RCAN2: variants seen among roughly 807,000 people sequenced by gnomAD.
RCAN2 encodes calcipressin-2.
A neutral mutation model predicts 23.6 loss-of-function variants in RCAN2; 9 were observed. The ratio of observed to expected loss-of-function variants is 0.38; its 90% CI spans 0.23 to 0.67. The LOEUF is 0.67. Ranked by LOEUF, RCAN2 falls within the 30% of genes least tolerant of loss-of-function variation. The pLI is 0.51. For missense variants in RCAN2, 273 were observed against 302.3 expected (o/e 0.90, Z 0.72); for synonymous variants, 109 against 115.7 (o/e 0.94, Z 0.37).
intron 2 of RCAN2, among the ~76,000 whole-genome samples, chr6:46,395,713 C>G (rs1766069641): frequency 6.6e-6 from 1 of 152,232 alleles, no homozygotes; most frequent in African/African-American, 2.4e-5. Flanking sequence ...TATCCCTTCT[C>G]TACTCCACAG....
chr6:46,444,528 C>G (rs1767644564), intron 2 of RCAN2, among the ~76,000 whole-genome samples: 1 of 152,184 alleles, frequency 6.6e-6, no homozygotes, highest in African/African-American at 2.4e-5. Context: ...CACCTATGGC[C>G]CCAGGCCCCA....
intron 4 of RCAN2, among the ~76,000 whole-genome samples, chr6:46,230,485 C>G (rs537914800): frequency 2.6e-5 from 4 of 152,298 alleles, no homozygotes; most frequent in Non-Finnish European, 5.9e-5. Flanking sequence ...GTGGATGCCC[C>G]TCCTCACAGC....
intron 2 of RCAN2, among the ~76,000 whole-genome samples, chr6:46,292,543 A>G (rs1351814677): frequency 2.6e-5 from 4 of 151,608 alleles, no homozygotes; most frequent in African/African-American, 7.3e-5. Flanking sequence ...TTGAACCTCA[A>G]ATGATCTGCT....
chr6:46,394,713 G>A (rs1343904140), intron 2 of RCAN2, among the ~76,000 whole-genome samples: 3 of 152,132 alleles, frequency 2.0e-5, no homozygotes, highest in African/African-American at 7.2e-5. Context: ...GGGGAGGGAG[G>A]ACCTGCTTTA....
chr6:46,305,414 CT>C (rs1190120833), intron 2 of RCAN2, among the ~76,000 whole-genome samples: 1 of 152,050 alleles, frequency 6.6e-6, no homozygotes, highest in Admixed American at 6.6e-5. Context: ...CCACTTCCTT[CT>C]TTGCTTCCCT....
In RCAN2 at chr6:46,223,176, G is replaced by C. The variant is rs1765534156; in HGVS notation, c.697C>G (p.Arg233Gly). The C allele has an allele frequency of 1.2e-6, 2 of 1,613,740 alleles. No homozygotes were observed. Among genetic ancestry groups the C allele is most frequent in the Middle Eastern group, 1.7e-4 (1 of 5,828 alleles). The change falls in exon 5 of 5, where the codon CGG (arginine) becomes GGG (glycine). Residue 233 changes from arginine to glycine, a missense_variant. Coordinates refer to ENST00000371374, the MANE Select transcript of RCAN2 (RefSeq NM_001251974.2). ...ACGGAGGGTGGCAGGCCAGGACGCC[G>C]AGTTTGGATGATTTTTGGCTTTGGG... ...TSPKPKIIQT[R>G]RPGLPPSVSN
chr6:46,288,691 C>T (rs530530061), intron 2 of RCAN2, among the ~76,000 whole-genome samples: 56 of 152,356 alleles, frequency 3.7e-4, no homozygotes, highest in African/African-American at 1.2e-3. Context: ...CTTTCATCCC[C>T]GAAGTATAAC....
intron 2 of RCAN2, among the ~76,000 whole-genome samples, chr6:46,264,542 A>T (rs4714908): frequency 6.6e-6 from 1 of 151,972 alleles, no homozygotes; most frequent in African/African-American, 2.4e-5. Flanking sequence ...AAGAATGTAT[A>T]TTAATGATGA....
chr6:46,359,989 G>C (rs982429917), intron 2 of RCAN2, among the ~76,000 whole-genome samples: 1 of 152,088 alleles, frequency 6.6e-6, no homozygotes, highest in Non-Finnish European at 1.5e-5. Flanking sequence ...TCCTTCACTT[G>C]ACACAAATCC....
chr6:46,469,886 A>G (rs1037050316), intron 1 of RCAN2, among the ~76,000 whole-genome samples: 3 of 152,150 alleles, frequency 2.0e-5, no homozygotes, highest in African/African-American at 7.2e-5. Context: ...CCCTTTGGCC[A>G]TGTGAGGACA....
intron 2 of RCAN2, among the ~76,000 whole-genome samples, chr6:46,437,968 G>A (rs1400330084): frequency 6.6e-6 from 1 of 152,228 alleles, no homozygotes; most frequent in East Asian, 1.9e-4. Flanking sequence ...ACACTAAGGA[G>A]AAAATTAGGA....
At chr6:46,405,701 C>T (rs1363571719) in intron 2 of RCAN2, among the ~76,000 whole-genome samples, 2 of 152,234 alleles carry the variant, frequency 1.3e-5, no homozygotes, top group African/African-American at 4.8e-5. Flanking sequence ...CAGCTGGCTT[C>T]ACCTAGTAGA....
intron 2 of RCAN2, among the ~76,000 whole-genome samples, chr6:46,265,726 T>C (rs568695549): frequency 1.3e-5 from 2 of 152,324 alleles, no homozygotes; most frequent in African/African-American, 4.8e-5. Flanking sequence ...ATTATGCTCA[T>C]TCCATAAATG....
intron 2 of RCAN2, among the ~76,000 whole-genome samples, chr6:46,407,581 T>G (rs1023246037): frequency 6.6e-6 from 1 of 152,180 alleles, no homozygotes; most frequent in Non-Finnish European, 1.5e-5. Flanking sequence ...GGGCAACTGC[T>G]TTATGGAAGG....
At chr6:46,395,628 AT>A (rs774293065) in intron 2 of RCAN2, among the ~76,000 whole-genome samples, 1 of 152,216 alleles carries the variant, frequency 6.6e-6, no homozygotes, top group African/African-American at 2.4e-5. Flanking sequence ...AAAATGAATG[AT>A]TATGAGATGT....
In RCAN2 at chr6:46,232,969, G is replaced by A. The variant is rs185709840; in HGVS notation, c.572-9668C>T. Among the ~76,000 whole-genome samples, 500 of 152,210 alleles carry A rather than the reference G, an allele frequency of 3.3e-3. 2 individuals carry two copies. The highest frequency in any genetic ancestry group is 0.011 in the African/African-American group (475 of 41,520). ...AGGCTGTGGCCCCATGAGGATACTG[G>A]CACACACACAATGTGCCCCCTCCCT... On this transcript the variant is annotated intron_variant, in intron 4 of 4. Transcript: ENST00000371374.
intron 2 of RCAN2, among the ~76,000 whole-genome samples, chr6:46,426,111 C>T (rs1767024854): frequency 6.6e-6 from 1 of 151,854 alleles, no homozygotes; most frequent in Non-Finnish European, 1.5e-5. Context: ...GTTGGTCAGG[C>T]TGGTCTCAAA....
chr6:46,333,974 A>G (rs1190857247), intron 2 of RCAN2, among the ~76,000 whole-genome samples: 1 of 152,198 alleles, frequency 6.6e-6, no homozygotes, highest in Non-Finnish European at 1.5e-5. Context: ...TTCTTCCATT[A>G]TGATACCTCA....
At chr6:46,473,527 C>T (rs1238452478) in intron 1 of RCAN2, among the ~76,000 whole-genome samples, 1 of 152,134 alleles carries the variant, frequency 6.6e-6, no homozygotes, top group Non-Finnish European at 1.5e-5. Context: ...TAGAGTCTTT[C>T]ATTACCATCA....
Sources: allele counts gnomAD v4.1 joint callset (sites outside exome capture counted in the v4.1 genomes callset), GRCh38; gene constraint gnomAD v4.1.1; transcripts MANE v1.5; gene names NCBI Gene and HGNC (gene_info 2026-07-23, HGNC 2026-07-21).